The following GXYLT2 variants were observed in gnomAD, a reference collection of about 807,000 sequenced individuals.
The protein encoded by GXYLT2 is glucoside xylosyltransferase 2.
In GXYLT2, 53 loss-of-function variants were observed where a neutral mutation model predicts 45.8. That is an observed-to-expected ratio of 1.16 (90% CI 0.93 to 1.46). GXYLT2 has a LOEUF of 1.46. Among genes scored for constraint, GXYLT2 ranks in the 40% most tolerant of loss-of-function variants. GXYLT2 has a pLI of 0.00. For missense variants in GXYLT2, 551 were observed against 544.4 expected, an observed-to-expected ratio of 1.01 and a Z score of -0.12; for synonymous variants, 219 against 214.2, an observed-to-expected ratio of 1.02 and a Z score of -0.19.
In GXYLT2 at chr3:72,934,332, C is replaced by T. The variant is rs563554151; in HGVS notation, c.600+11997C>T. 3.9e-5 allele frequency among the ~76,000 whole-genome samples: 6 copies of T among 151,968 alleles called. No individual in the cohort carries two copies. In the East Asian group the frequency reaches 5.8e-4, roughly 15 times the overall value. On this transcript the variant is annotated intron_variant, in intron 3 of 6. Coordinates refer to ENST00000389617, the MANE Select transcript of GXYLT2 (RefSeq NM_001080393.2). ...AACTCCTGGGCTCAAGCAGTCTGCC[C>T]GCCTCAGTCTCCCAAAGTGCTGGGA...
At chr3:72,974,282 C>T (rs1256799023) in intron 6 of GXYLT2, among the ~76,000 whole-genome samples, 1 of 152,152 alleles carries the variant, frequency 6.6e-6, no homozygotes, top group Admixed American at 6.6e-5. Context: ...CAGTGATGAT[C>T]TCAAAAGCCC....
At chr3:72,933,227 C>T (rs890103821) in intron 3 of GXYLT2, among the ~76,000 whole-genome samples, 2 of 152,082 alleles carry the variant, frequency 1.3e-5, no homozygotes, top group East Asian at 3.9e-4. Flanking sequence ...TTGACCCAGT[C>T]GGCCAAGCCA....
At chr3:72,900,263 GC>G (rs1352404712) in intron 1 of GXYLT2, among the ~76,000 whole-genome samples, 1 of 152,154 alleles carries the variant, frequency 6.6e-6, no homozygotes, top group Non-Finnish European at 1.5e-5. Context: ...CTTGTCTCAG[GC>G]ACCCTGGAGA....
At chr3:72,958,874 T>G (rs1165656672) in intron 5 of GXYLT2, among the ~76,000 whole-genome samples, 1 of 151,472 alleles carries the variant, frequency 6.6e-6, no homozygotes, top group Non-Finnish European at 1.5e-5. Flanking sequence ...TCAGGTGATC[T>G]GCCCACCTCC....
intron 1 of GXYLT2, among the ~76,000 whole-genome samples, chr3:72,895,029 T>C (rs987210353): frequency 6.6e-6 from 1 of 152,128 alleles, no homozygotes; most frequent in Non-Finnish European, 1.5e-5. Context: ...GCTTTCCCCA[T>C]TGAGGTTAAT....
intron 3 of GXYLT2, among the ~76,000 whole-genome samples, chr3:72,942,316 C>A (rs1710317176): frequency 6.6e-6 from 1 of 151,394 alleles, no homozygotes; most frequent in African/African-American, 2.4e-5. Flanking sequence ...GGAGAAAAAT[C>A]ACACCTCTTC....
At chr3:72,971,057 T>G (rs966276755) in intron 6 of GXYLT2, among the ~76,000 whole-genome samples, 14 of 152,152 alleles carry the variant, frequency 9.2e-5, no homozygotes, top group Non-Finnish European at 1.9e-4. Context: ...AGGGGCAAAC[T>G]CATTCAGGAG....
chr3:72,949,659 G>A lies in GXYLT2; in HGVS notation c.601-5439G>A, dbSNP rs143430211. ...CCGGAGTAGCTGAGACCACAGGCAC[G>A]TGACACCATGCCCAGCCAACTTTTC... On this transcript the variant is annotated intron_variant, in intron 3 of 6. Transcript: ENST00000389617. Among the ~76,000 whole-genome samples the A allele has an allele frequency of 1.6e-4, 24 of 151,842 alleles. No homozygotes were observed. The East Asian group carries it at 3.1e-3, about 20-fold the overall frequency.
At chr3:72,911,705 A>G (rs1709626133) in intron 2 of GXYLT2, among the ~76,000 whole-genome samples, 2 of 152,156 alleles carry the variant, frequency 1.3e-5, no homozygotes, top group Admixed American at 6.5e-5. Context: ...CTGAAACAGA[A>G]CAACCCAGCT....
At chr3:72,892,881 G>A (rs535328077) in intron 1 of GXYLT2, among the ~76,000 whole-genome samples, 35 of 151,950 alleles carry the variant, frequency 2.3e-4, no homozygotes, top group Non-Finnish European at 4.7e-4. Context: ...GAATCCCCTC[G>A]ATCACCCTCC....
At chr3:72,903,451 T>C (rs1709444870) in intron 1 of GXYLT2, among the ~76,000 whole-genome samples, 1 of 151,842 alleles carries the variant, frequency 6.6e-6, no homozygotes, top group Admixed American at 6.6e-5. Flanking sequence ...GGAGGAGAGG[T>C]GAGATTTGAG....
intron 5 of GXYLT2, among the ~76,000 whole-genome samples, chr3:72,966,442 A>C (rs894010163): frequency 3.6e-5 from 4 of 110,124 alleles, no homozygotes; most frequent in African/African-American, 1.4e-4. Flanking sequence ...TATTTTTGAC[A>C]TTTTTTTGTG....
intron 3 of GXYLT2, among the ~76,000 whole-genome samples, chr3:72,923,546 A>T (rs2107103179): frequency 6.6e-6 from 1 of 152,338 alleles, no homozygotes; most frequent in East Asian, 1.9e-4. Flanking sequence ...TGCTGCCTTA[A>T]TTTTTGTGAG....
Position 72,974,869 on chromosome 3 carries a change from T to C in GXYLT2, c.1150-108T>C. Reference sequence around the variant, plus strand: ...AAAGGTCTTTTCACTTGTCCAAACCTGTGCCTGTGGGCTTATCGTAATTCC... The same window carrying C: ...AAAGGTCTTTTCACTTGTCCAAACCCGTGCCTGTGGGCTTATCGTAATTCC... On this transcript the variant is annotated intron_variant, in intron 6 of 6. Coordinates refer to ENST00000389617, the MANE Select transcript of GXYLT2 (RefSeq NM_001080393.2). 4.9e-6 allele frequency: 4 copies of C among 816,812 alleles called. No individual in the cohort carries two copies. The South Asian group carries it at 7.4e-5, about 15-fold the overall frequency. 50.6% of individuals were successfully genotyped at this position (816,812 alleles called of 1,614,324 possible).
intron 3 of GXYLT2, among the ~76,000 whole-genome samples, chr3:72,931,451 G>C (rs904679336): frequency 6.6e-6 from 1 of 151,824 alleles, no homozygotes; most frequent in South Asian, 2.1e-4. Context: ...GGATGGTCTC[G>C]ATCTCCTGAC....
intron 1 of GXYLT2, among the ~76,000 whole-genome samples, chr3:72,890,291 A>G (rs559571560): frequency 6.6e-6 from 1 of 152,370 alleles, no homozygotes; most frequent in East Asian, 1.9e-4. Context: ...GGAACTTGTT[A>G]GAAATGCAGA....
intron 3 of GXYLT2, among the ~76,000 whole-genome samples, chr3:72,942,246 T>C (rs1017818938): frequency 6.6e-6 from 1 of 151,472 alleles, no homozygotes; most frequent in African/African-American, 2.4e-5. Context: ...TCCACACCAA[T>C]CTAAATAAAT....
chr3:72,920,480 G>T (rs187599900), intron 2 of GXYLT2, among the ~76,000 whole-genome samples: 5 of 151,894 alleles, frequency 3.3e-5, no homozygotes, highest in Non-Finnish European at 7.4e-5. Context: ...TACTGCGCTG[G>T]CTGGTCTCAA....
Position 72,888,512 on chromosome 3 carries a change from A to G in GXYLT2, c.275+4A>G. ...CGAGACTGGAGAAGTTGGCGAGGTG[A>G]GTCGTGGCAACCCCAGAATCCCATC... On this transcript the variant is annotated splice_donor_region_variant and intron_variant, in intron 1 of 6. Coordinates refer to ENST00000389617, the MANE Select transcript of GXYLT2 (RefSeq NM_001080393.2). 1 of 1,228,742 alleles carries G rather than the reference A, an allele frequency of 8.1e-7. No individual in the cohort carries two copies. The highest frequency in any genetic ancestry group is 1.0e-6 in the Non-Finnish European group (1 of 983,404). 76.1% of individuals were successfully genotyped at this position (1,228,742 alleles called of 1,614,324 possible). A position where few individuals can be genotyped will look rare whatever the true frequency, so the allele number is the denominator to read the frequency against.
Sources: allele counts gnomAD v4.1 joint callset (sites outside exome capture counted in the v4.1 genomes callset), GRCh38; gene constraint gnomAD v4.1.1; transcripts MANE v1.5; gene names NCBI Gene and HGNC (gene_info 2026-07-23, HGNC 2026-07-21).